C19orf67: variants seen among roughly 807,000 people sequenced by gnomAD.
C19orf67 encodes the protein UPF0575 protein C19orf67.
Under a neutral mutation model 41.4 loss-of-function variants are expected in C19orf67, and 28 were observed. The observed-to-expected ratio is 0.68, with a 90% CI of 0.50 to 0.93. C19orf67 has a LOEUF of 0.93. Ranked by LOEUF, C19orf67 falls within the 40% of genes least tolerant of loss-of-function variation. The pLI is 0.00. For missense variants in C19orf67, 421 were observed against 467.0 expected (o/e 0.90, Z 0.91); for synonymous variants, 242 against 203.4 (o/e 1.19, Z -1.62).
At chr19:14,082,436 C>A in intron 5 of C19orf67, 33 bp downstream of exon 5, 1 of 1,507,158 alleles carries the variant, frequency 6.6e-7, no homozygotes. Flanking sequence ...CCTCCAGCTC[C>A]CAGGCCCACG....
At position 14,085,369 on chromosome 19, in the gene C19orf67, A is replaced by G; in HGVS notation, c.259T>C (p.Leu87=). Residue 87 remains leucine (L), a synonymous_variant, in exon 1 of 6, where the codon TTG becomes CTG. Coordinates refer to ENST00000548523, the MANE Select transcript of C19orf67 (RefSeq NM_001277378.2). ...PAPPRLSLDT[L]FSPITQQLRY... ...AGCTGTTGGGTGATGGGGCTGAACAAAGTGTCCAGGGATAGGCGGGGAGGT... is the reference window on the plus strand; with the variant it reads ...AGCTGTTGGGTGATGGGGCTGAACAGAGTGTCCAGGGATAGGCGGGGAGGT... The G allele has an allele frequency of 1.3e-6, 2 of 1,536,182 alleles. No homozygotes were observed. Among genetic ancestry groups the G allele is most frequent in the Non-Finnish European group, 1.7e-6 (2 of 1,146,916 alleles).
Position 14,082,011 on chromosome 19 carries a change from G to A in C19orf67, c.903-3C>T. 6.7e-7 allele frequency: 1 copy of A among 1,496,656 alleles called. No individual in the cohort carries two copies. The highest frequency in any genetic ancestry group is 8.9e-7 in the Non-Finnish European group (1 of 1,125,012). 92.7% of individuals were successfully genotyped at this position (1,496,656 alleles called of 1,614,324 possible). The stretch of plus-strand genomic sequence containing the variant: ...CAAGCGGCTGCGGGCACAAAATCCT[G>A]GGGTGGGGGGGCCAGGGATAGACAG... On this transcript the variant is annotated splice_region_variant and splice_polypyrimidine_tract_variant and intron_variant, in intron 5 of 5. Coordinates refer to ENST00000548523, the MANE Select transcript of C19orf67 (RefSeq NM_001277378.2).
chr19:14,081,781 CT>C lies in C19orf67; in HGVS notation c.*52del. 2.2e-6 allele frequency: 3 copies of C among 1,391,694 alleles called. No homozygotes were observed. Among genetic ancestry groups the C allele is most frequent in the Non-Finnish European group, 2.8e-6 (3 of 1,056,674 alleles). The allele number at this position is 1,391,694 out of a possible 1,614,324, so 86.2% of individuals were successfully genotyped here. A position where few individuals can be genotyped will look rare whatever the true frequency, so the allele number is the denominator to read the frequency against. ...AACGAGTGAGCCCCTCCCCTGCCCCCTATTCTGGAGTTTGGAACTGTCAAGT... is the reference window on the plus strand; with the variant it reads ...AACGAGTGAGCCCCTCCCCTGCCCCCATTCTGGAGTTTGGAACTGTCAAGT... On this transcript the variant is annotated 3_prime_UTR_variant, in exon 6 of 6. Coordinates refer to ENST00000548523, the MANE Select transcript of C19orf67 (RefSeq NM_001277378.2).
At position 14,085,735 on chromosome 19, in the gene C19orf67, C is replaced by T. The variant is rs763154970; in HGVS notation, c.-108G>A. On this transcript the variant is annotated 5_prime_UTR_variant, in exon 1 of 6. Coordinates refer to ENST00000548523, the MANE Select transcript of C19orf67 (RefSeq NM_001277378.2). Reference sequence around the variant, plus strand: ...AGCCTCCGACTGGCCCCTGCCTTGACCTCTCCACCGGAGCCGCGCCGCCGC... The same window carrying T: ...AGCCTCCGACTGGCCCCTGCCTTGATCTCTCCACCGGAGCCGCGCCGCCGC... 2.3e-5 allele frequency: 18 copies of T among 794,972 alleles called. No homozygotes were observed. The highest frequency in any genetic ancestry group is 2.0e-4 in the South Asian group (12 of 59,326). 49.2% of individuals were successfully genotyped at this position (794,972 alleles called of 1,614,324 possible).
At position 14,085,318 on chromosome 19, in the gene C19orf67, C is replaced by A; in HGVS notation, c.310G>T (p.Asp104Tyr). Residue 104 changes from aspartate to tyrosine, a missense_variant, in exon 1 of 6, where the codon GAT becomes TAT. By Grantham distance (160) the Asp-to-Tyr change is radical. Coordinates refer to ENST00000548523, the MANE Select transcript of C19orf67 (RefSeq NM_001277378.2). The part of the protein sequence containing the change: ...QLRYLLKKAD[D>Y]FQSYLLYSRD... The stretch of plus-strand genomic sequence containing the variant: ...CTGTAGAGCAAGTAGCTCTGGAAAT[C>A]ATCTGCCTTCTTCAGTAGGTAGCGC... The A allele has an allele frequency of 6.5e-7, 1 of 1,536,212 alleles. No homozygotes were observed. Among genetic ancestry groups the A allele is most frequent in the South Asian group, 1.2e-5 (1 of 84,048 alleles).
chr19:14,083,474 A>G, intron 3 of C19orf67, 31 bp downstream of exon 3: 2 of 1,533,350 alleles, frequency 1.3e-6, no homozygotes, highest in Non-Finnish European at 1.7e-6. Context: ...GGACTCCTTC[A>G]TCCCCCCATC....
rs563677108 is a variant in C19orf67, at chr19:14,085,496, C to G, written c.132G>C (p.Gly44=). ...CTTCAGGATCCGGCTCAGATGGGTT[C>G]CCAGGCCTGCCAGGGGGCGTCGACC... is the stretch of plus-strand genomic sequence containing the variant. ...PSRSTPPGRP[G]NPSEPDPEDA... Residue 44 remains glycine (G), a synonymous_variant, in exon 1 of 6, where the codon GGG becomes GGC. Coordinates refer to ENST00000548523, the MANE Select transcript of C19orf67 (RefSeq NM_001277378.2). 9 of 1,535,426 alleles carry G rather than the reference C, an allele frequency of 5.9e-6. No homozygotes were observed. In the Admixed American group the frequency reaches 1.8e-4, roughly 30 times the overall value.
At chr19:14,083,927 A>C in intron 1 of C19orf67, 50 bp from the exon 2 acceptor site, 1 of 1,278,524 alleles carries the variant, frequency 7.8e-7, no homozygotes, top group African/African-American at 1.5e-5. Context: ...ACCCCTCCCC[A>C]CCCCGCAGTT....
In C19orf67 at chr19:14,082,604, C is replaced by G; in HGVS notation, c.768-1G>C. The G allele has an allele frequency of 6.5e-7, 1 of 1,535,580 alleles. No individual in the cohort carries two copies. The highest frequency in any genetic ancestry group is 8.7e-7 in the Non-Finnish European group (1 of 1,146,480). Reference sequence around the variant, plus strand: ...AGTATCTCGATAGCACAGAAAGTAGCTAGGAGGGGAGGGAGCTGTAATTAG... The same window carrying G: ...AGTATCTCGATAGCACAGAAAGTAGGTAGGAGGGGAGGGAGCTGTAATTAG... On this transcript the variant is annotated splice_acceptor_variant, in intron 4 of 5. Coordinates refer to ENST00000548523, the MANE Select transcript of C19orf67 (RefSeq NM_001277378.2). LOFTEE classifies it high-confidence loss of function.
chr19:14,082,022 G>T lies in C19orf67; in HGVS notation c.903-14C>A. On this transcript the variant is annotated splice_polypyrimidine_tract_variant and intron_variant, in intron 5 of 5. Coordinates refer to ENST00000548523, the MANE Select transcript of C19orf67 (RefSeq NM_001277378.2). ...GGGCACAAAATCCTGGGGTGGGGGG[G>T]CCAGGGATAGACAGGCCTGGACTTG... is the stretch of plus-strand genomic sequence containing the variant. 3 of 1,310,640 alleles carry T rather than the reference G, an allele frequency of 2.3e-6. No individual in the cohort carries two copies. Among genetic ancestry groups the T allele is most frequent in the Non-Finnish European group, 3.1e-6 (3 of 959,016 alleles). The allele number at this position is 1,310,640 out of a possible 1,614,324, so 81.2% of individuals were successfully genotyped here.
In C19orf67 at chr19:14,085,387, GGGGAGGTGCTGGCCCAGGCC is replaced by G. The variant is rs1364659204; in HGVS notation, c.221_240del (p.Arg74ProfsTer24). 5 of 1,536,062 alleles carry G rather than the reference GGGGAGGTGCTGGCCCAGGCC, an allele frequency of 3.3e-6. No homozygotes were observed. In the African/African-American group the frequency reaches 5.5e-5, roughly 17 times the overall value. On this transcript the variant is annotated frameshift_variant, in exon 1 of 6. Coordinates refer to ENST00000548523, the MANE Select transcript of C19orf67 (RefSeq NM_001277378.2). LOFTEE classifies it high-confidence loss of function. ...CTGAACAAAGTGTCCAGGGATAGGC[GGGGAGGTGCTGGCCCAGGCC>G]GGGGGACCAGAGGTTTGGGGGAAGA... is the stretch of plus-strand genomic sequence containing the variant.
At position 14,081,894 on chromosome 19, in the gene C19orf67, T is replaced by TGCCTGGCCC. The variant is rs1310118874; in HGVS notation, c.1008_1016dup (p.Gly340_Ala342dup). 32 of 1,534,134 alleles carry TGCCTGGCCC rather than the reference T, an allele frequency of 2.1e-5. No homozygotes were observed. The highest frequency in any genetic ancestry group is 1.7e-4 in the East Asian group (7 of 40,802). ...CTGCGCTCGGAGGCCGGGCCTGGCC[T>TGCCTGGCCC]GCCTGGCCCGTGAGGATCTGCACCA... On this transcript the variant is annotated inframe_insertion, in exon 6 of 6. Transcript: ENST00000548523.
chr19:14,082,054 C>T, intron 5 of C19orf67, 46 bp from the exon 6 acceptor site: 5 of 1,401,790 alleles, frequency 3.6e-6, no homozygotes, highest in Non-Finnish European at 4.7e-6. Context: ...CTTGAGTGCC[C>T]CCTGCCCCTC....
chr19:14,083,954 A>G, intron 1 of C19orf67, 77 bp from the exon 2 acceptor site: 1 of 1,243,722 alleles, frequency 8.0e-7, no homozygotes, highest in Non-Finnish European at 1.0e-6. Flanking sequence ...ATTCTACTCA[A>G]TCCCAACCTG....
At chr19:14,084,695 A>G (rs1568519015) in intron 1 of C19orf67, among the ~76,000 whole-genome samples, 1 of 151,648 alleles carries the variant, frequency 6.6e-6, no homozygotes, top group Admixed American at 6.6e-5. Flanking sequence ...TAGCCGGGCA[A>G]CACATGTTGG....
At position 14,082,527 on chromosome 19, in the gene C19orf67, G is replaced by C; in HGVS notation, c.844C>G (p.Leu282Val). 1 of 1,536,296 alleles carries C rather than the reference G, an allele frequency of 6.5e-7. No homozygotes were observed. Among genetic ancestry groups the C allele is most frequent in the Non-Finnish European group, 8.7e-7 (1 of 1,146,912 alleles). ...PANSCPQIQK[L>V]WSIGRWVPLG... is the part of the protein sequence containing the mutation. ...GGCACCCATCGGCCGATGGACCACA[G>C]CTTCTGGATCTGTGGGCACGAATTG... The change falls in exon 5 of 6, where the codon CTG becomes GTG. Residue 282 changes from leucine (L) to valine (V), a missense_variant. Around this residue, in one of 3 missense-constraint regions of C19orf67, gnomAD observed 253 missense variants for 307.0 expected, o/e 0.82. Transcript: ENST00000548523.
At position 14,081,869 on chromosome 19, in the gene C19orf67, C is replaced by G; in HGVS notation, c.1042G>C (p.Ala348Pro). 6.5e-7 allele frequency: 1 copy of G among 1,533,442 alleles called. No individual in the cohort carries two copies. Among genetic ancestry groups the G allele is most frequent in the African/African-American group, 1.4e-5 (1 of 72,936 alleles). 95.0% of individuals were successfully genotyped at this position (1,533,442 alleles called of 1,614,324 possible). A position where few individuals can be genotyped will look rare whatever the true frequency, so the allele number is the denominator to read the frequency against. Residue 348 changes from alanine (A) to proline (P), a missense_variant, in exon 6 of 6, where the codon GCC (alanine) becomes CCC (proline). By Grantham distance (27) the Ala-to-Pro change is conservative. Coordinates refer to ENST00000548523, the MANE Select transcript of C19orf67 (RefSeq NM_001277378.2). Reference sequence around the variant, plus strand: ...TGCGCTGCCCACCCCGCAGGCCCGGCTGCGCTCGGAGGCCGGGCCTGGCCT... The same window carrying G: ...TGCGCTGCCCACCCCGCAGGCCCGGGTGCGCTCGGAGGCCGGGCCTGGCCT... ...QAGQARPPSA[A>P]GPAGWAAQGS
At position 14,085,661 on chromosome 19, in the gene C19orf67, A is replaced by C; in HGVS notation, c.-34T>G. The C allele has an allele frequency of 6.9e-7, 1 of 1,445,990 alleles. No homozygotes were observed. The highest frequency in any genetic ancestry group is 9.4e-7 in the Non-Finnish European group (1 of 1,067,958). The allele number at this position is 1,445,990 out of a possible 1,614,324, so 89.6% of individuals were successfully genotyped here. The stretch of plus-strand genomic sequence containing the variant: ...CGGGGGGCGGGAACCTGAGCTCTTT[A>C]AGCTTCCGCTGCTGCTCAGGTTGGC... On this transcript the variant is annotated 5_prime_UTR_variant, in exon 1 of 6. Transcript: ENST00000548523.
At position 14,083,787 on chromosome 19, in the gene C19orf67, G is replaced by A. The variant is rs1037739093; in HGVS notation, c.426C>T (p.Ala142=). 113 of 1,423,110 alleles carry A rather than the reference G, an allele frequency of 7.9e-5. No individual in the cohort carries two copies. The highest frequency in any genetic ancestry group is 1.8e-4 in the Middle Eastern group (1 of 5,488). 88.2% of individuals were successfully genotyped at this position (1,423,110 alleles called of 1,614,324 possible). A position where few individuals can be genotyped will look rare whatever the true frequency, so the allele number is the denominator to read the frequency against. ...CATAGATGGGGGGTATGCTTCTCGC[G>A]GCTGCCTCCAGGTACAGGAAGTAGG... ...CEPYFLYLEA[A]ARSIPPIYGP... Residue 142 remains alanine (A), a synonymous_variant, in exon 2 of 6, where the codon GCC becomes GCT. Coordinates refer to ENST00000548523, the MANE Select transcript of C19orf67 (RefSeq NM_001277378.2).
Sources: gnomAD v4.1 joint callset for allele counts (sites outside exome capture counted in the v4.1 genomes callset) on GRCh38, gnomAD v4.1.1 for gene constraint, gnomAD v4.1.1 regional missense constraint, MANE v1.5 for transcripts, NCBI Gene and HGNC (gene_info 2026-07-23, HGNC 2026-07-21) for gene names.